CADM2: variants seen among roughly 807,000 people sequenced by gnomAD.
CADM2 encodes the protein immunoglobulin superfamily member 4D.
CADM2 carries 12 observed loss-of-function variants against 49.8 expected under a neutral mutation model. That is an observed-to-expected ratio of 0.24 (90% CI 0.15 to 0.39). CADM2 has a LOEUF of 0.39. CADM2 is among the 10% of genes least tolerant of loss of function. CADM2 has a pLI of 1.00. For synonymous variants in CADM2, 214 were observed against 175.4 expected (o/e 1.22, Z -1.74); for missense variants, 378 against 492.3 (o/e 0.77, Z 2.20).
chr3:85,885,708 C>T (rs56020527), intron 4 of CADM2, among the ~76,000 whole-genome samples: 8 of 141,212 alleles, frequency 5.7e-5, no homozygotes, highest in South Asian at 2.3e-4. Context: ...AAAAATTAGT[C>T]GGGCATGGTG....
At chr3:85,945,947 A>G (rs1477457588) in intron 7 of CADM2, among the ~76,000 whole-genome samples, 1 of 151,956 alleles carries the variant, frequency 6.6e-6, no homozygotes, top group Non-Finnish European at 1.5e-5. Context: ...GGCAGGAGAA[A>G]GAAATAAAGG....
rs551838928 is a variant in CADM2, at chr3:85,740,393, A to G, written c.88+13845A>G. On this transcript the variant is annotated intron_variant, in intron 2 of 9. Coordinates refer to ENST00000383699, the MANE Select transcript of CADM2 (RefSeq NM_001167675.2). Reference sequence around the variant, plus strand: ...TTCCTGGCACTGTGGAGGTCAAATGATTCATAATTTTCAATACTAATTCCA... The same window carrying G: ...TTCCTGGCACTGTGGAGGTCAAATGGTTCATAATTTTCAATACTAATTCCA... Among the ~76,000 whole-genome samples the G allele has an allele frequency of 2.6e-5, 4 of 152,244 alleles. No individual in the cohort carries two copies. In the East Asian group the frequency reaches 7.7e-4, roughly 29 times the overall value.
intron 8 of CADM2, among the ~76,000 whole-genome samples, chr3:85,994,940 A>G (rs898556609): frequency 6.8e-6 from 1 of 147,796 alleles, no homozygotes; most frequent in African/African-American, 2.5e-5. Flanking sequence ...CAGACATTAA[A>G]TGAGCACATG....
chr3:85,561,525 A>G (rs1200951930), intron 1 of CADM2, among the ~76,000 whole-genome samples: 5 of 152,174 alleles, frequency 3.3e-5, no homozygotes, highest in African/African-American at 9.7e-5. Context: ...TTAAATCCAG[A>G]GGAGATATAA....
chr3:85,522,993 GAA>G (rs71108296), intron 1 of CADM2, among the ~76,000 whole-genome samples: 40 of 105,434 alleles, frequency 3.8e-4, no homozygotes, highest in Non-Finnish European at 5.1e-4. Flanking sequence ...ACTTTTCCAA[GAA>G]AAAAAAAAAA....
At chr3:85,885,247 A>G (rs1339622116) in intron 4 of CADM2, among the ~76,000 whole-genome samples, 2 of 152,050 alleles carry the variant, frequency 1.3e-5, no homozygotes, top group African/African-American at 4.8e-5. Flanking sequence ...GTAAAATTTT[A>G]CAAATGAGGC....
intron 6 of CADM2, among the ~76,000 whole-genome samples, chr3:85,920,106 C>T (rs1160654539): frequency 5.9e-5 from 9 of 151,934 alleles, no homozygotes. Context: ...ATTCTCTTTG[C>T]TTTCACTACC....
chr3:85,098,781 C>T (rs141874499), intron 1 of CADM2, among the ~76,000 whole-genome samples: 26 of 152,256 alleles, frequency 1.7e-4, no homozygotes, highest in Non-Finnish European at 3.7e-4. Flanking sequence ...TGCTCCGCAC[C>T]TCGTGAATGC....
At chr3:85,717,827 G>A (rs542004526) in intron 1 of CADM2, among the ~76,000 whole-genome samples, 1 of 152,296 alleles carries the variant, frequency 6.6e-6, no homozygotes, top group African/African-American at 2.4e-5. Context: ...GAGTGCAATG[G>A]CACTATCGTG....
chr3:85,424,882 A>G (rs1286995985), intron 1 of CADM2, among the ~76,000 whole-genome samples: 7 of 152,142 alleles, frequency 4.6e-5, no homozygotes, highest in Admixed American at 4.6e-4. Flanking sequence ...ATTTGCTTAC[A>G]TACATTTGCC....
At chr3:85,950,194 A>T (rs1723273192) in intron 7 of CADM2, among the ~76,000 whole-genome samples, 1 of 151,252 alleles carries the variant, frequency 6.6e-6, no homozygotes, top group Non-Finnish European at 1.5e-5. Context: ...TAGATGAGAG[A>T]ATGAATGCTT....
At chr3:85,886,968 T>C (rs898167189) in intron 5 of CADM2, among the ~76,000 whole-genome samples, 1 of 152,236 alleles carries the variant, frequency 6.6e-6, no homozygotes, top group African/African-American at 2.4e-5. Context: ...GAATTGTTTA[T>C]GATGATTATT....
In CADM2 at chr3:85,153,885, G is replaced by C. The variant is rs181905469; in HGVS notation, c.61+194217G>C. Among the ~76,000 whole-genome samples, 206 of 152,280 alleles carry C rather than the reference G, an allele frequency of 1.4e-3. 3 individuals are homozygous for C. Among genetic ancestry groups the C allele is most frequent in the Admixed American group, 0.012 (190 of 15,296 alleles). ...AGACCTGCAGCTGAGGGTCCTGACTGTTAGAAGGAAAACTAACAAACAGAA... is the reference window on the plus strand; with the variant it reads ...AGACCTGCAGCTGAGGGTCCTGACTCTTAGAAGGAAAACTAACAAACAGAA... On this transcript the variant is annotated intron_variant, in intron 1 of 9. Coordinates refer to ENST00000383699, the MANE Select transcript of CADM2 (RefSeq NM_001167675.2).
intron 1 of CADM2, among the ~76,000 whole-genome samples, chr3:85,020,237 C>G (rs371013421): frequency 3.9e-5 from 6 of 152,014 alleles, no homozygotes; most frequent in African/African-American, 1.5e-4. Flanking sequence ...TTCTGAATTA[C>G]AGCTGAAAAT....
chr3:85,289,385 G>T (rs1324528664), intron 1 of CADM2, among the ~76,000 whole-genome samples: 1 of 152,144 alleles, frequency 6.6e-6, no homozygotes, highest in Non-Finnish European at 1.5e-5. Context: ...TGCATGTTTT[G>T]TTTCAAATGC....
At chr3:85,476,585 A>G (rs1361572481) in intron 1 of CADM2, among the ~76,000 whole-genome samples, 1 of 91,280 alleles carries the variant, frequency 1.1e-5, no homozygotes, top group Admixed American at 1.4e-4. Flanking sequence ...GTCCAAGGTC[A>G]ATGATTTGCC....
At position 85,618,736 on chromosome 3, in the gene CADM2, A is replaced by ATTTATT. The variant is rs2063875780; in HGVS notation, c.62-107776_62-107771dup. 3.9e-5 allele frequency among the ~76,000 whole-genome samples: 6 copies of ATTTATT among 152,210 alleles called. No homozygotes were observed. The South Asian group carries it at 1.0e-3, about 26-fold the overall frequency. On this transcript the variant is annotated intron_variant, in intron 1 of 9. Transcript: ENST00000383699. Reference sequence around the variant, plus strand: ...ATTAATTCTATGTTTTGTATGTATAATTTATTTTTATTTTTTATCATAAAT... The same window carrying ATTTATT: ...ATTAATTCTATGTTTTGTATGTATAATTTATTTTTATTTTTATTTTTTATCATAAAT...
At chr3:85,029,519 T>G (rs1163759010) in intron 1 of CADM2, among the ~76,000 whole-genome samples, 1 of 152,168 alleles carries the variant, frequency 6.6e-6, no homozygotes, top group Non-Finnish European at 1.5e-5. Context: ...CAAAAAAGGG[T>G]TTATCTTGGA....
At chr3:85,275,850 C>T (rs1014784170) in intron 1 of CADM2, among the ~76,000 whole-genome samples, 35 of 150,980 alleles carry the variant, frequency 2.3e-4, no homozygotes, top group Non-Finnish European at 2.1e-4. Flanking sequence ...TTCAAATATA[C>T]AGCACTCATT....
Sources: allele counts gnomAD v4.1 joint callset (sites outside exome capture counted in the v4.1 genomes callset), GRCh38; gene constraint gnomAD v4.1.1; transcripts MANE v1.5; gene names NCBI Gene and HGNC (gene_info 2026-07-23, HGNC 2026-07-21).